The following MRE11 variants were observed in gnomAD, a reference collection of about 807,000 sequenced individuals.
MRE11 encodes the protein double-strand break repair protein MRE11.
A neutral mutation model predicts 91.7 loss-of-function variants in MRE11; 62 were observed. That is an observed-to-expected ratio of 0.68 (90% CI 0.55 to 0.84). The LOEUF (loss-of-function observed/expected upper bound fraction) is 0.84. MRE11 is among the 40% of genes least tolerant of loss of function. MRE11 has a pLI of 0.00. For synonymous variants in MRE11, 273 were observed against 271.4 expected (o/e 1.01, Z -0.06); for missense variants, 796 against 852.9 (o/e 0.93, Z 0.83).
chr11:94,477,583 A>T (rs74571489), intron 6 of MRE11, among the ~76,000 whole-genome samples: 2 of 152,294 alleles, frequency 1.3e-5, no homozygotes, highest in East Asian at 3.9e-4. Flanking sequence ...TCCCAAGGAG[A>T]ATGCTACAGG....
intron 16 of MRE11, among the ~76,000 whole-genome samples, chr11:94,439,409 C>A (rs562772892): frequency 1.3e-5 from 2 of 152,182 alleles, no homozygotes; most frequent in East Asian, 3.9e-4. Context: ...ACCATTATAT[C>A]AAATCAATTA....
In MRE11 at chr11:94,460,987, T is replaced by A; in HGVS notation, c.1275A>T (p.Thr425=). ...TTACAAGATCTTCTACCCTTAAAGT[T>A]GTTCCTTCTGAAGGCTTTGTGATAA... ...GKLITKPSEG[T]TLRVEDLVKQ... is the part of the protein sequence containing the mutation. The change falls in exon 12 of 20, where the codon ACA becomes ACT. Residue 425 remains threonine, a synonymous_variant. Coordinates refer to ENST00000323929, the MANE Select transcript of MRE11 (RefSeq NM_005591.4). The A allele has an allele frequency of 6.2e-7, 1 of 1,613,816 alleles. No individual in the cohort carries two copies. Among genetic ancestry groups the A allele is most frequent in the South Asian group, 1.1e-5 (1 of 91,074 alleles).
intron 19 of MRE11, among the ~76,000 whole-genome samples, 183 bp downstream of exon 19, chr11:94,429,728 G>A (rs1265696433): frequency 6.6e-6 from 1 of 152,090 alleles, no homozygotes; most frequent in Non-Finnish European, 1.5e-5. Context: ...CCTGGGTGAT[G>A]GGATCTGTAC....
intron 4 of MRE11, 123 bp from the exon 5 acceptor site, chr11:94,479,884 C>G: frequency 1.4e-6 from 1 of 721,586 alleles, no homozygotes; most frequent in Middle Eastern, 3.7e-4. Flanking sequence ...CATATGACCA[C>G]TAGTTTAGAG....
rs1204954166 is a variant in MRE11 at position 94,416,689 on chromosome 11, CAAAAAAAAA to C, written c.*3427_*3435del. 1.0e-5 allele frequency: 1 copy of C among 96,636 alleles called. No homozygotes were observed. Among genetic ancestry groups the C allele is most frequent in the African/African-American group, 3.7e-5 (1 of 26,734 alleles). The allele number at this position is 96,636 out of a possible 1,614,324, so 6.0% of individuals were successfully genotyped here. A position where few individuals can be genotyped will look rare whatever the true frequency, so the allele number is the denominator to read the frequency against. ...AAAAACCCTGTCTCTACTAAAAATA[CAAAAAAAAA>C]AAAAAAAAAATTAGCCAGGCGTGGT... On this transcript the variant is annotated 3_prime_UTR_variant, in exon 20 of 20. Coordinates refer to ENST00000323929, the MANE Select transcript of MRE11 (RefSeq NM_005591.4).
intron 16 of MRE11, among the ~76,000 whole-genome samples, chr11:94,438,194 T>C (rs1344218941): frequency 6.6e-6 from 1 of 152,202 alleles, no homozygotes; most frequent in Non-Finnish European, 1.5e-5. Context: ...TTTAGGTTTA[T>C]TTTCTCCTAT....
upstream of MRE11, among the ~76,000 whole-genome samples, chr11:94,495,095 G>A (rs11020804): frequency 1.4e-3 from 214 of 152,262 alleles, no homozygotes; most frequent in African/African-American, 4.9e-3. Context: ...TTACAATAAA[G>A]TAACAGGACC....
At chr11:94,497,975 A>G (rs993412073), upstream of MRE11, 61 of 924,546 alleles carry the variant, frequency 6.6e-5, no homozygotes, top group African/African-American at 9.8e-4. Context: ...GTAAGTTTTT[A>G]TTCAACTTAA....
the MRE11 span, among the ~76,000 whole-genome samples, chr11:94,501,945 T>A: frequency 6.6e-6 from 1 of 152,164 alleles, no homozygotes; most frequent in African/African-American, 2.4e-5. Flanking sequence ...TAAAAAGCTA[T>A]GTGTTTATCA....
Position 94,490,874 on chromosome 11 carries a change from C to A in MRE11, c.112G>T (p.Val38Leu), listed in dbSNP as rs786202896. ...AGTCTTAAAATTTCATCGAGTGTTA[C>A]AAACGTATCATTTCCTCTGACTGCA... ...KDAVRGNDTF[V>L]TLDEILRLAQ... Residue 38 changes from valine to leucine, a missense_variant, in exon 3 of 20, where the codon GTA becomes TTA. Val to Leu is a conservative substitution (Grantham distance 32). Coordinates refer to ENST00000323929, the MANE Select transcript of MRE11 (RefSeq NM_005591.4). The A allele has an allele frequency of 5.6e-6, 9 of 1,613,364 alleles. No homozygotes were observed. Among genetic ancestry groups the A allele is most frequent in the Non-Finnish European group, 7.6e-6 (9 of 1,179,580 alleles).
rs1945301890 is a variant in MRE11 at position 94,425,873 on chromosome 11, G to A, written c.2070+4038C>T. Among the ~76,000 whole-genome samples, 4 of 152,284 alleles carry A rather than the reference G, an allele frequency of 2.6e-5. No individual in the cohort carries two copies. In the South Asian group the frequency reaches 8.3e-4, roughly 32 times the overall value. On this transcript the variant is annotated intron_variant, in intron 19 of 19. Coordinates refer to ENST00000323929, the MANE Select transcript of MRE11 (RefSeq NM_005591.4). The stretch of plus-strand genomic sequence containing the variant: ...CTAAAAAAAGACTCAGACAGCAACA[G>A]AGTAATAGTGGGAGGCTTCAACACC...
intron 7 of MRE11, among the ~76,000 whole-genome samples, chr11:94,472,028 T>G (rs1946730191): frequency 6.6e-6 from 1 of 152,032 alleles, no homozygotes; most frequent in Non-Finnish European, 1.5e-5. Flanking sequence ...TGAAAGGTTT[T>G]ACATAGGAAG....
At chr11:94,467,924 C>T (rs201898818) in intron 9 of MRE11, 31 bp from the exon 10 acceptor site, 13 of 1,572,518 alleles carry the variant, frequency 8.3e-6, no homozygotes, top group Middle Eastern at 1.9e-4. Context: ...TAAAAAACAA[C>T]GTAGTAAACT....
At chr11:94,509,505 C>A in the MRE11 span, among the ~76,000 whole-genome samples, 1 of 151,946 alleles carries the variant, frequency 6.6e-6, no homozygotes, top group African/African-American at 2.4e-5. Context: ...TGCAGTGATG[C>A]GATCTCAGCT....
intron 19 of MRE11, among the ~76,000 whole-genome samples, chr11:94,426,083 T>G (rs1652926795): frequency 6.6e-6 from 1 of 152,168 alleles, no homozygotes; most frequent in African/African-American, 2.4e-5. Context: ...TCAGTCAAAG[T>G]AAGTCTAAAT....
the MRE11 span, among the ~76,000 whole-genome samples, chr11:94,511,663 A>G: frequency 1.3e-5 from 2 of 152,264 alleles, no homozygotes; most frequent in African/African-American, 4.8e-5. Context: ...GCTCTGGGGT[A>G]CAGTGGAGAC....
intron 3 of MRE11, 49 bp downstream of exon 3, chr11:94,490,784 T>G (rs376099177): frequency 1.9e-6 from 3 of 1,604,388 alleles, no homozygotes; most frequent in Non-Finnish European, 2.6e-6. Context: ...AAATAACTTG[T>G]TAACCAAGGG....
intron 9 of MRE11, 30 bp from the exon 10 acceptor site, chr11:94,467,923 A>T: frequency 6.4e-7 from 1 of 1,573,008 alleles, no homozygotes; most frequent in Non-Finnish European, 8.7e-7. Context: ...TTAAAAAACA[A>T]CGTAGTAAAC....
intron 13 of MRE11, among the ~76,000 whole-genome samples, chr11:94,458,790 T>C (rs900205423): frequency 7.2e-5 from 11 of 152,210 alleles, no homozygotes; most frequent in Middle Eastern, 3.2e-3. Context: ...CATTTTCATA[T>C]GCTTATTAGC....
Sources: gnomAD v4.1 joint callset for allele counts (sites outside exome capture counted in the v4.1 genomes callset) on GRCh38, gnomAD v4.1.1 for gene constraint, MANE v1.5 for transcripts, NCBI Gene and HGNC (gene_info 2026-07-23, HGNC 2026-07-21) for gene names.